SLC44A5: variants seen among roughly 807,000 people sequenced by gnomAD.
SLC44A5 encodes the protein solute carrier family 44 member 5.
In SLC44A5, 57 loss-of-function variants were observed where a neutral mutation model predicts 101.8. That is an observed-to-expected ratio of 0.56 (90% CI 0.45 to 0.70). The LOEUF is 0.70. Ranked by LOEUF, SLC44A5 falls within the 30% of genes least tolerant of loss-of-function variation. The probability of loss-of-function intolerance (pLI) is 0.00; values close to 1 mark genes in which losing one functional copy is unlikely to be tolerated. For synonymous variants in SLC44A5, 281 were observed against 290.9 expected (o/e 0.97, Z 0.35); for missense variants, 737 against 853.1 (o/e 0.86, Z 1.70).
chr1:75,427,557 T>C (rs1570247191), intron 2 of SLC44A5, among the ~76,000 whole-genome samples: 2 of 152,286 alleles, frequency 1.3e-5, no homozygotes, highest in Admixed American at 6.5e-5. Context: ...ATTAATCATG[T>C]CTCAAGGAAA....
chr1:75,365,567 A>G (rs560839654), intron 3 of SLC44A5, among the ~76,000 whole-genome samples: 53 of 152,332 alleles, frequency 3.5e-4, no homozygotes, highest in Middle Eastern at 3.4e-3. Flanking sequence ...AAATCATTCT[A>G]TTATAAAGAC....
At chr1:75,466,655 T>TAAAA (rs754658767) in intron 2 of SLC44A5, among the ~76,000 whole-genome samples, 29 of 88,286 alleles carry the variant, frequency 3.3e-4, no homozygotes, top group African/African-American at 7.0e-4. Flanking sequence ...GATGCCATCT[T>TAAAA]AAAAAAAAAA....
At chr1:75,694,566 G>A in the SLC44A5 span, among the ~76,000 whole-genome samples, 1 of 152,102 alleles carries the variant, frequency 6.6e-6, no homozygotes, top group African/African-American at 2.4e-5. Flanking sequence ...CTATGTCCCC[G>A]TTAGATTAAG....
intron 23 of SLC44A5, among the ~76,000 whole-genome samples, chr1:75,207,145 G>A (rs1446584718): frequency 1.3e-5 from 2 of 152,080 alleles, no homozygotes; most frequent in Non-Finnish European, 2.9e-5. Context: ...ACTTCTAATG[G>A]TAGTCCATAC....
intron 6 of SLC44A5, among the ~76,000 whole-genome samples, chr1:75,273,161 A>C (rs552942052): frequency 6.6e-6 from 1 of 152,046 alleles, no homozygotes; most frequent in South Asian, 2.1e-4. Context: ...AAAGGAATTG[A>C]GTTCTTGATT....
At chr1:75,680,687 T>G in the SLC44A5 span, among the ~76,000 whole-genome samples, 11 of 150,506 alleles carry the variant, frequency 7.3e-5, no homozygotes, top group Admixed American at 2.0e-4. Context: ...CACCCTAACA[T>G]CACAATTAAA....
chr1:75,250,278 T>C (rs1393849636), intron 7 of SLC44A5, among the ~76,000 whole-genome samples: 1 of 152,124 alleles, frequency 6.6e-6, no homozygotes, highest in Admixed American at 6.6e-5. Context: ...CTGTTTTAGT[T>C]TTCTAAAGAT....
At chr1:75,432,900 A>G (rs938775860) in intron 2 of SLC44A5, among the ~76,000 whole-genome samples, 2 of 152,086 alleles carry the variant, frequency 1.3e-5, no homozygotes, top group African/African-American at 4.8e-5. Context: ...ATACAGCCCC[A>G]AATCAACCAC....
intron 4 of SLC44A5, among the ~76,000 whole-genome samples, chr1:75,321,340 A>G (rs1656126080): frequency 6.6e-6 from 1 of 152,142 alleles, no homozygotes; most frequent in South Asian, 2.1e-4. Flanking sequence ...TATTTATCAC[A>G]GTGCTGGAGG....
At chr1:75,524,443 A>C (rs903179760) in intron 2 of SLC44A5, among the ~76,000 whole-genome samples, 2 of 152,136 alleles carry the variant, frequency 1.3e-5, no homozygotes, top group Non-Finnish European at 2.9e-5. Context: ...GCACCCAAAA[A>C]TTTTCATAAG....
At chr1:75,444,381 G>A (rs1448962789) in intron 2 of SLC44A5, among the ~76,000 whole-genome samples, 1 of 147,232 alleles carries the variant, frequency 6.8e-6, no homozygotes, top group Admixed American at 6.8e-5. Flanking sequence ...AGGAAAGAAG[G>A]AAGGGAAGAA....
the SLC44A5 span, among the ~76,000 whole-genome samples, chr1:75,645,843 T>G: frequency 7.3e-6 from 1 of 136,518 alleles, no homozygotes; most frequent in Middle Eastern, 3.7e-3. Context: ...TTCAGCTTTC[T>G]GCATATGGCT....
the SLC44A5 span, among the ~76,000 whole-genome samples, chr1:75,722,904 C>T: frequency 6.6e-6 from 1 of 152,218 alleles, no homozygotes; most frequent in Non-Finnish European, 1.5e-5. Context: ...AATCAATGTA[C>T]TTTGTGCTCT....
chr1:75,252,104 T>G (rs982541001), intron 6 of SLC44A5, among the ~76,000 whole-genome samples: 2 of 152,172 alleles, frequency 1.3e-5, no homozygotes, highest in African/African-American at 2.4e-5. Context: ...GATTCCCAAC[T>G]CTTTCCCAAC....
At chr1:75,650,970 G>T in the SLC44A5 span, among the ~76,000 whole-genome samples, 2 of 152,178 alleles carry the variant, frequency 1.3e-5, no homozygotes, top group Non-Finnish European at 2.9e-5. Context: ...TACCCAGACT[G>T]TCTTTGATAC....
the SLC44A5 span, among the ~76,000 whole-genome samples, chr1:75,706,217 A>C: frequency 6.6e-6 from 1 of 152,146 alleles, no homozygotes; most frequent in South Asian, 2.1e-4. Flanking sequence ...AGAGTTCAAA[A>C]TATTTTGTTT....
At chr1:75,393,471 G>C (rs1017340125) in intron 3 of SLC44A5, among the ~76,000 whole-genome samples, 11 of 152,120 alleles carry the variant, frequency 7.2e-5, no homozygotes, top group Non-Finnish European at 1.6e-4. Context: ...ATATGTTTAT[G>C]TTAGGTTATA....
chr1:75,536,956 A>G (rs994597208), intron 2 of SLC44A5, among the ~76,000 whole-genome samples: 1 of 121,440 alleles, frequency 8.2e-6, no homozygotes, highest in African/African-American at 3.1e-5. Context: ...CAGTGAGCCG[A>G]GATCCCGCCA....
intron 1 of SLC44A5, among the ~76,000 whole-genome samples, chr1:75,604,777 G>A (rs1333508845): frequency 6.6e-6 from 1 of 151,398 alleles, no homozygotes; most frequent in Non-Finnish European, 1.5e-5. Flanking sequence ...ATGTGTGTGT[G>A]TACTGTAAAT....
Sources: allele counts gnomAD v4.1 joint callset (sites outside exome capture counted in the v4.1 genomes callset), GRCh38; gene constraint gnomAD v4.1.1; transcripts MANE v1.5; gene names NCBI Gene and HGNC (gene_info 2026-07-23, HGNC 2026-07-21).